The following ZIM2 variants were observed in gnomAD, a reference collection of about 807,000 sequenced individuals.
The protein encoded by ZIM2 is zinc finger imprinted 2.
Under a neutral mutation model 38.6 loss-of-function variants are expected in ZIM2, and 14 were observed. The ratio of observed to expected loss-of-function variants is 0.36; its 90% CI spans 0.24 to 0.57. The LOEUF is 0.57. Ranked by LOEUF, ZIM2 falls within the 20% of genes least tolerant of loss-of-function variation. ZIM2 has a pLI of 0.81. For missense variants in ZIM2, 680 were observed against 695.1 expected (o/e 0.98, Z 0.24); for synonymous variants, 247 against 245.8 (o/e 1.00, Z -0.04).
chr19:56,838,878 T>C (rs1018500424), intron 1 of ZIM2, among the ~76,000 whole-genome samples: 1 of 152,036 alleles, frequency 6.6e-6, no homozygotes, highest in Non-Finnish European at 1.5e-5. Context: ...CCCACACCTA[T>C]GCGGCAAACC....
intron 2 of ZIM2, among the ~76,000 whole-genome samples, chr19:56,830,933 A>C (rs2061513244): frequency 6.6e-6 from 1 of 151,992 alleles, no homozygotes; most frequent in African/African-American, 2.4e-5. Context: ...TCACCAAAAA[A>C]ATAAAAAACA....
intron 10 of ZIM2, among the ~76,000 whole-genome samples, chr19:56,785,059 CA>C (rs370949536): frequency 0.027 from 3,916 of 146,272 alleles, 178 homozygotes; most frequent in African/African-American, 0.088. Context: ...CTGCCAATAC[CA>C]AAAAAAAAAA....
At chr19:56,821,471 C>T (rs1601025240) in intron 7 of ZIM2, among the ~76,000 whole-genome samples, 180 bp downstream of exon 7, 1 of 152,182 alleles carries the variant, frequency 6.6e-6, no homozygotes, top group East Asian at 1.9e-4. Context: ...AAAGAAACAG[C>T]CAGCAGCAAC....
In ZIM2 at chr19:56,814,010, C is replaced by CTCCCTCTGGCTCTTCAGCTTT. The variant is rs767110557; in HGVS notation, c.490+3715_490+3735dup. The stretch of plus-strand genomic sequence containing the variant: ...CCCACACCGTCAGGCTCGTCGGCAT[C>CTCCCTCTGGCTCTTCAGCTTT]TCCCTCTGGCTCTTCAGCTTTTCCC... On this transcript the variant is annotated intron_variant, in intron 9 of 12. Coordinates refer to ENST00000629319, the MANE Select transcript of ZIM2 (RefSeq NM_001387356.1). The surrounding 1 kb of genome is among the most constrained non-coding windows in gnomAD (Gnocchi z 5.8). 10 of 1,614,040 alleles carry CTCCCTCTGGCTCTTCAGCTTT rather than the reference C, an allele frequency of 6.2e-6. No individual in the cohort carries two copies. The East Asian group carries it at 1.1e-4, about 18-fold the overall frequency.
Position 56,781,260 on chromosome 19 carries a change from G to GT in ZIM2, c.739+692dup, listed in dbSNP as rs560918788. 3.6e-3 allele frequency among the ~76,000 whole-genome samples: 555 copies of GT among 152,162 alleles called. 2 individuals carry two copies. Among genetic ancestry groups the GT allele is most frequent in the African/African-American group, 0.013 (531 of 41,506 alleles). On this transcript the variant is annotated intron_variant, in intron 11 of 12. Coordinates refer to ENST00000629319, the MANE Select transcript of ZIM2 (RefSeq NM_001387356.1). ...TGGAACAGTGTTTGTTTTGGATTCT[G>GT]TTTTTCAGGAGACCTCAAGCCCCCA...
chr19:56,778,995 G>A (rs558979758), intron 12 of ZIM2, among the ~76,000 whole-genome samples: 28 of 152,112 alleles, frequency 1.8e-4, no homozygotes, highest in African/African-American at 6.0e-4. Context: ...GGAAGGGAGC[G>A]TCTAGGTGTC....
chr19:56,831,522 T>C (rs910989230), intron 2 of ZIM2, among the ~76,000 whole-genome samples: 2 of 152,200 alleles, frequency 1.3e-5, no homozygotes, highest in African/African-American at 4.8e-5. Flanking sequence ...AAATTAGGTA[T>C]TTCAGCTACA....
rs760086041 is a variant in ZIM2 at position 56,789,916 on chromosome 19, T to G, written c.526A>C (p.Arg176=). The G allele has an allele frequency of 7.6e-6, 12 of 1,582,528 alleles. No homozygotes were observed. The African/African-American group carries it at 1.6e-4, about 21-fold the overall frequency. ...AGATTGTCTAACATCTCTGTGTTCC[T>G]CTTTTCTGCAGGGACAGAGTCCTGA... The part of the protein sequence containing the change: ...LAQDSVPAEK[R]NTEMLDNLPS... The change falls in exon 10 of 13, where the codon AGG becomes CGG. Residue 176 remains arginine, a synonymous_variant. Transcript: ENST00000629319.
At chr19:56,779,050 A>G (rs900950496) in intron 12 of ZIM2, among the ~76,000 whole-genome samples, 1 of 152,270 alleles carries the variant, frequency 6.6e-6, no homozygotes, top group African/African-American at 2.4e-5. Context: ...GAGGGCAGTG[A>G]GAAAGACAAG....
intron 9 of ZIM2, chr19:56,798,664 G>A (rs2047346573): frequency 6.6e-6 from 1 of 152,104 alleles, no homozygotes; most frequent in South Asian, 2.1e-4. Context: ...TATCATCAGA[G>A]TGAACAGACA....
chr19:56,836,899 G>A (rs900812925), intron 1 of ZIM2, among the ~76,000 whole-genome samples: 1 of 148,220 alleles, frequency 6.7e-6, no homozygotes, highest in Non-Finnish European at 1.5e-5. Flanking sequence ...GAACCCGGGA[G>A]GCAGAGGCTG....
At chr19:56,827,729 T>C (rs1375284704) in intron 2 of ZIM2, among the ~76,000 whole-genome samples, 1 of 152,234 alleles carries the variant, frequency 6.6e-6, no homozygotes, top group East Asian at 1.9e-4. Context: ...GTTTGTATAA[T>C]GAATTACTAT....
intron 9 of ZIM2, among the ~76,000 whole-genome samples, chr19:56,807,203 G>A (rs1444437373): frequency 1.3e-5 from 2 of 152,278 alleles, no homozygotes; most frequent in South Asian, 4.1e-4. Flanking sequence ...TGAATAAAAG[G>A]CAAAACGTGG....
chr19:56,774,932 C>CT lies in ZIM2; in HGVS notation c.1432dup (p.Ser478LysfsTer13). 6.2e-7 allele frequency: 1 copy of CT among 1,614,182 alleles called. No homozygotes were observed. Among genetic ancestry groups the CT allele is most frequent in the Non-Finnish European group, 8.5e-7 (1 of 1,180,028 alleles). ...CTGATAACGAATTAAGTATGTCTTG[C>CT]TGTGGGACAACCCAGGAGGAAGGAC... On this transcript the variant is annotated frameshift_variant, in exon 13 of 13. Coordinates refer to ENST00000629319, the MANE Select transcript of ZIM2 (RefSeq NM_001387356.1). LOFTEE classifies it low-confidence loss of function (END_TRUNC).
chr19:56,814,681 T>C lies in ZIM2; in HGVS notation c.490+3065A>G. 6.2e-7 allele frequency: 1 copy of C among 1,614,046 alleles called. No homozygotes were observed. The highest frequency in any genetic ancestry group is 8.5e-7 in the Non-Finnish European group (1 of 1,179,976). ...AGCTTCCTCAGCCATCTGGCTCTGC[T>C]CCAGTAAATCATCTTCCCTATGAAG... On this transcript the variant is annotated intron_variant, in intron 9 of 12. Transcript: ENST00000629319. The surrounding 1 kb of genome is among the most constrained non-coding windows in gnomAD (Gnocchi z 5.8).
intron 9 of ZIM2, among the ~76,000 whole-genome samples, chr19:56,791,668 T>C (rs1773705532): frequency 6.6e-6 from 1 of 152,226 alleles, no homozygotes; most frequent in African/African-American, 2.4e-5. Flanking sequence ...TAGAGATAAG[T>C]ATGCCCTGAG....
At chr19:56,823,460 A>G (rs531528187) in intron 5 of ZIM2, 130 bp downstream of exon 5, 19 of 952,178 alleles carry the variant, frequency 2.0e-5, no homozygotes, top group Admixed American at 2.0e-4. Context: ...CCCTCTCCTC[A>G]GATCTCTGAG....
At chr19:56,830,591 T>C (rs1229828549) in intron 2 of ZIM2, among the ~76,000 whole-genome samples, 2 of 152,158 alleles carry the variant, frequency 1.3e-5, no homozygotes, top group Non-Finnish European at 2.9e-5. Flanking sequence ...TCCTAGCTAG[T>C]GCAACTGAAG....
intron 3 of ZIM2, 130 bp from the exon 4 acceptor site, chr19:56,824,557 G>A (rs1362870703): frequency 1.2e-6 from 2 of 1,613,988 alleles, no homozygotes; most frequent in African/African-American, 2.7e-5. Context: ...CTCCTATGAT[G>A]ACATCCGGCT....
Sources: allele counts gnomAD v4.1 joint callset (sites outside exome capture counted in the v4.1 genomes callset), GRCh38; gene constraint gnomAD v4.1.1; non-coding constraint Gnocchi (gnomAD v3.1); transcripts MANE v1.5; gene names NCBI Gene and HGNC (gene_info 2026-07-23, HGNC 2026-07-21).